Variants in GPA33 observed in about 807,000 individuals in gnomAD.
GPA33 encodes the protein glycoprotein A33.
A neutral mutation model predicts 35.6 loss-of-function variants in GPA33; 27 were observed. The ratio of observed to expected loss-of-function variants is 0.76; its 90% CI spans 0.56 to 1.04. The LOEUF is 1.04. Among genes scored for constraint, GPA33 ranks in the 50% least tolerant of loss-of-function variants. GPA33 has a pLI of 0.00. For synonymous variants in GPA33, 176 were observed against 164.0 expected, an observed-to-expected ratio of 1.07 and a Z score of -0.56; for missense variants, 428 against 411.9, an observed-to-expected ratio of 1.04 and a Z score of -0.34.
chr1:167,053,330 C>A lies in GPA33; in HGVS notation c.*1004G>T, dbSNP rs1376393333. On this transcript the variant is annotated 3_prime_UTR_variant, in exon 7 of 7. Transcript: ENST00000367868. The stretch of plus-strand genomic sequence containing the variant: ...TTTAAATCAATTCGTGTTTAACTCA[C>A]TGAATGAATACGTGGGTTTGGGTGG... 6.6e-6 allele frequency: 1 copy of A among 152,270 alleles called. No homozygotes were observed. The highest frequency in any genetic ancestry group is 1.5e-5 in the Non-Finnish European group (1 of 68,056). The allele number at this position is 152,270 out of a possible 1,614,324, so 9.4% of individuals were successfully genotyped here.
chr1:167,060,554 ATAAAGCTTTCACAAAT>A (rs545436745), intron 4 of GPA33, among the ~76,000 whole-genome samples: 7 of 152,066 alleles, frequency 4.6e-5, no homozygotes, highest in African/African-American at 7.3e-5. Flanking sequence ...TAGAGACAGG[ATAAAGCTTTCACAAAT>A]TAAAGCTTTC....
chr1:167,057,103 C>G (rs1046704075), intron 4 of GPA33, among the ~76,000 whole-genome samples: 2 of 151,166 alleles, frequency 1.3e-5, no homozygotes, highest in South Asian at 2.1e-4. Flanking sequence ...GGCAGACTGT[C>G]TAGACTCTTC....
intron 6 of GPA33, 47 bp downstream of exon 6, chr1:167,054,929 C>G: frequency 6.2e-7 from 1 of 1,602,918 alleles, no homozygotes; most frequent in South Asian, 1.1e-5. Flanking sequence ...AAGCATATTT[C>G]CAGTCTCCCC....
intron 1 of GPA33, among the ~76,000 whole-genome samples, chr1:167,079,122 A>G (rs905210101): frequency 2.6e-5 from 4 of 152,186 alleles, no homozygotes. Context: ...TCATTATAAC[A>G]GAGAGTTAAA....
intron 4 of GPA33, among the ~76,000 whole-genome samples, chr1:167,062,246 C>T (rs963945236): frequency 2.6e-5 from 4 of 151,434 alleles, no homozygotes; most frequent in African/African-American, 7.3e-5. Flanking sequence ...GGCAGGGTCT[C>T]GCTCTGTCAC....
intron 3 of GPA33, 24 bp downstream of exon 3, chr1:167,068,898 C>G: frequency 6.3e-7 from 1 of 1,589,530 alleles, no homozygotes; most frequent in African/African-American, 1.3e-5. Context: ...TCCTACAACT[C>G]CTGAAAGACA....
intron 2 of GPA33, 139 bp from the exon 3 acceptor site, chr1:167,069,277 G>T (rs539244187): frequency 1.7e-6 from 1 of 587,708 alleles, no homozygotes. Context: ...CAAATAGCTC[G>T]CATATGTGCT....
In GPA33 at chr1:167,053,953, C is replaced by T. The variant is rs1349464214; in HGVS notation, c.*381G>A. 1 of 235,812 alleles carries T rather than the reference C, an allele frequency of 4.2e-6. No individual in the cohort carries two copies. Among genetic ancestry groups the T allele is most frequent in the Middle Eastern group, 1.6e-3 (1 of 640 alleles). The allele number at this position is 235,812 out of a possible 1,614,324, so 14.6% of individuals were successfully genotyped here. ...CTGGGCACACAGGTGAGCAGGACAG[C>T]CCCCACCCCCCAAGGCTGGCATCGC... On this transcript the variant is annotated 3_prime_UTR_variant, in exon 7 of 7. Transcript: ENST00000367868.
At chr1:167,063,122 G>A (rs1030827680) in intron 4 of GPA33, among the ~76,000 whole-genome samples, 9 of 152,208 alleles carry the variant, frequency 5.9e-5, no homozygotes, top group African/African-American at 2.2e-4. Flanking sequence ...TATGAGGTAG[G>A]TATTATTATA....
intron 1 of GPA33, among the ~76,000 whole-genome samples, chr1:167,074,624 C>T (rs1230169323): frequency 2.0e-5 from 3 of 152,074 alleles, no homozygotes; most frequent in Non-Finnish European, 4.4e-5. Flanking sequence ...GGCACAGAGA[C>T]CCATGTGGAT....
rs144094718 is a variant in GPA33, at chr1:167,079,338, A to C, written c.44-5799T>G. ...TGAAACCCTGTCTCTACTAAACTAC[A>C]AAAATTAGCCAGGTGTGGCAGCATG... On this transcript the variant is annotated intron_variant, in intron 1 of 6. Transcript: ENST00000367868. 4.9e-3 allele frequency among the ~76,000 whole-genome samples: 747 copies of C among 152,156 alleles called. 7 individuals are homozygous for C. Among genetic ancestry groups the C allele is most frequent in the Middle Eastern group, 6.8e-3 (2 of 292 alleles).
Position 167,054,191 on chromosome 1 carries a change from A to ACAGCTGAC in GPA33, c.*135_*142dup, listed in dbSNP as rs1666178259. The ACAGCTGAC allele has an allele frequency of 4.4e-6, 5 of 1,126,558 alleles. No individual in the cohort carries two copies. The highest frequency in any genetic ancestry group is 5.1e-6 in the Non-Finnish European group (4 of 784,706). The allele number at this position is 1,126,558 out of a possible 1,614,324, so 69.8% of individuals were successfully genotyped here. A position where few individuals can be genotyped will look rare whatever the true frequency, so the allele number is the denominator to read the frequency against. On this transcript the variant is annotated 3_prime_UTR_variant, in exon 7 of 7. Transcript: ENST00000367868. ...CCTTACCAGGCCAGCCATGTTCCCC[A>ACAGCTGAC]CAGCTGACACTGGGGAAGAAATGTC...
chr1:167,070,009 C>T (rs1666683829), intron 2 of GPA33, among the ~76,000 whole-genome samples: 1 of 152,110 alleles, frequency 6.6e-6, no homozygotes, highest in African/African-American at 2.4e-5. Flanking sequence ...ATCTCTAGGA[C>T]CCCAGAAGAA....
At chr1:167,069,648 G>T (rs1666676308) in intron 2 of GPA33, among the ~76,000 whole-genome samples, 1 of 152,234 alleles carries the variant, frequency 6.6e-6, no homozygotes, top group Admixed American at 6.5e-5. Flanking sequence ...TGTGGTAATG[G>T]CTAAATCACA....
chr1:167,076,245 T>G (rs964041597), intron 1 of GPA33, among the ~76,000 whole-genome samples: 1 of 152,152 alleles, frequency 6.6e-6, no homozygotes, highest in African/African-American at 2.4e-5. Context: ...AGAAATGATG[T>G]CCTTGTAGGG....
chr1:167,074,987 C>T (rs1464487851), intron 1 of GPA33, among the ~76,000 whole-genome samples: 2 of 150,154 alleles, frequency 1.3e-5, no homozygotes, highest in Non-Finnish European at 3.0e-5. Flanking sequence ...GAATTGCCTC[C>T]TCCCGCCAGG....
intron 2 of GPA33, among the ~76,000 whole-genome samples, chr1:167,070,468 C>T (rs1666696420): frequency 6.6e-6 from 1 of 152,172 alleles, no homozygotes; most frequent in Admixed American, 6.5e-5. Flanking sequence ...TTAAAGGCCT[C>T]CCCCAAGTTC....
chr1:167,072,002 C>T (rs1057424229), intron 2 of GPA33, among the ~76,000 whole-genome samples: 2 of 152,186 alleles, frequency 1.3e-5, no homozygotes, highest in African/African-American at 4.8e-5. Flanking sequence ...AGAGAAGGTT[C>T]CCTTTCGCTC....
At chr1:167,055,942 C>A (rs1666239090) in intron 4 of GPA33, 93 bp from the exon 5 acceptor site, 7 of 1,318,010 alleles carry the variant, frequency 5.3e-6, no homozygotes, top group Non-Finnish European at 7.6e-6. Context: ...GGAAGCACAA[C>A]CTCTGCCACT....
Sources: allele counts gnomAD v4.1 joint callset (sites outside exome capture counted in the v4.1 genomes callset), GRCh38; gene constraint gnomAD v4.1.1; transcripts MANE v1.5; gene names NCBI Gene and HGNC (gene_info 2026-07-23, HGNC 2026-07-21).